Variants in PRKN observed in about 807,000 individuals in gnomAD.
The protein encoded by PRKN is E3 ubiquitin-protein ligase parkin.
PRKN carries 56 observed loss-of-function variants against 59.5 expected under a neutral mutation model. The ratio of observed to expected loss-of-function variants is 0.94; its 90% confidence interval spans 0.76 to 1.18. PRKN has a LOEUF of 1.18. Ranked by LOEUF, PRKN falls within the 50% of genes most tolerant of loss-of-function variation. The probability of loss-of-function intolerance (pLI) is 0.00; values close to 1 mark genes in which losing one functional copy is unlikely to be tolerated. For synonymous variants in PRKN, 250 were observed against 222.1 expected (o/e 1.13, Z -1.12); for missense variants, 657 against 596.4 (o/e 1.10, Z -1.06).
chr6:162,197,827 C>G (rs1009586005), intron 4 of PRKN, among the ~76,000 whole-genome samples: 2 of 152,130 alleles, frequency 1.3e-5, no homozygotes, highest in Non-Finnish European at 2.9e-5. Context: ...TTCATGGAGT[C>G]AACATAGAAA....
chr6:162,301,786 G>A (rs972985759), intron 2 of PRKN, among the ~76,000 whole-genome samples: 5 of 117,626 alleles, frequency 4.3e-5, no homozygotes, highest in Non-Finnish European at 8.9e-5. Flanking sequence ...GCCGGGGCGG[G>A]GGGGGGGTGC....
intron 9 of PRKN, among the ~76,000 whole-genome samples, chr6:161,452,942 T>C (rs557008645): frequency 2.0e-5 from 3 of 152,202 alleles, no homozygotes; most frequent in African/African-American, 7.2e-5. Flanking sequence ...TTTTGCACTA[T>C]TGTGCTCTTA....
At chr6:162,546,252 C>A (rs889121612) in intron 1 of PRKN, among the ~76,000 whole-genome samples, 1 of 151,646 alleles carries the variant, frequency 6.6e-6, no homozygotes, top group Non-Finnish European at 1.5e-5. Flanking sequence ...TATAGGCGTG[C>A]GCCACCAGGC....
rs1486107496 is a variant in PRKN, at chr6:161,393,716, T to C, written c.1084-6839A>G. Reference sequence around the variant, plus strand: ...AGAGCCAGTAGGTACCTACAAGCAATGACCCTTAAAATAAGGCTTGATGAT... The same window carrying C: ...AGAGCCAGTAGGTACCTACAAGCAACGACCCTTAAAATAAGGCTTGATGAT... On this transcript the variant is annotated intron_variant, in intron 9 of 11. Coordinates refer to ENST00000366898, the MANE Select transcript of PRKN (RefSeq NM_004562.3). This position sits in a 1 kb window ranked among gnomAD's most constrained non-coding sequence, Gnocchi z 4.7. Among the ~76,000 whole-genome samples the C allele has an allele frequency of 6.7e-6, 1 of 148,824 alleles. No individual in the cohort carries two copies. The highest frequency in any genetic ancestry group is 2.5e-5 in the African/African-American group (1 of 40,466).
At chr6:162,024,975 C>A (rs527280056) in intron 5 of PRKN, among the ~76,000 whole-genome samples, 20 of 149,846 alleles carry the variant, frequency 1.3e-4, no homozygotes, top group African/African-American at 4.9e-4. Flanking sequence ...ATGTATATAA[C>A]TTCTATACGT....
At chr6:161,601,676 A>G (rs992838039) in intron 7 of PRKN, among the ~76,000 whole-genome samples, 5 of 148,518 alleles carry the variant, frequency 3.4e-5, no homozygotes, top group East Asian at 2.0e-4. Context: ...TCCGCCTCCC[A>G]GGTTCACGCC....
rs545404885 is a variant in PRKN at position 162,368,309 on chromosome 6, C to T, written c.171+75001G>A. Among the ~76,000 whole-genome samples the T allele has an allele frequency of 2.8e-4, 43 of 152,212 alleles. No homozygotes were observed. The South Asian group carries it at 8.5e-3, about 30-fold the overall frequency. On this transcript the variant is annotated intron_variant, in intron 2 of 11. Transcript: ENST00000366898. The stretch of plus-strand genomic sequence containing the variant: ...CTAAAATGTATTTTTAGAGCAGTTA[C>T]CAGGAGAGCTGACATTGTTGAATCT...
chr6:162,428,472 T>C (rs996660512), intron 2 of PRKN, among the ~76,000 whole-genome samples: 2 of 152,140 alleles, frequency 1.3e-5, no homozygotes, highest in African/African-American at 4.8e-5. Flanking sequence ...TAAAATTTAT[T>C]TGAAACCTTA....
At chr6:161,990,849 T>G (rs940108943) in intron 5 of PRKN, among the ~76,000 whole-genome samples, 1 of 152,158 alleles carries the variant, frequency 6.6e-6, no homozygotes, top group South Asian at 2.1e-4. Flanking sequence ...AAATAATATC[T>G]GAAAACTTCT....
intron 7 of PRKN, among the ~76,000 whole-genome samples, chr6:161,670,203 C>A (rs1784859551): frequency 6.6e-6 from 1 of 152,002 alleles, no homozygotes; most frequent in Non-Finnish European, 1.5e-5. Context: ...TTCCCAGAGC[C>A]CAGCTGTGTT....
intron 1 of PRKN, among the ~76,000 whole-genome samples, chr6:162,664,317 A>T (rs1348184242): frequency 6.6e-6 from 1 of 152,114 alleles, no homozygotes; most frequent in Non-Finnish European, 1.5e-5. Context: ...GGTTGGTTCC[A>T]TGTCTTTGCT....
At chr6:161,750,462 G>A (rs2128194619) in intron 7 of PRKN, among the ~76,000 whole-genome samples, 1 of 152,112 alleles carries the variant, frequency 6.6e-6, no homozygotes, top group Middle Eastern at 3.4e-3. Context: ...ATCCATAAGT[G>A]AATAAATATT....
intron 2 of PRKN, among the ~76,000 whole-genome samples, chr6:162,389,429 T>TCAC: frequency 6.6e-6 from 1 of 152,304 alleles, no homozygotes. Context: ...AAGTGAGGCA[T>TCAC]TTCCAAGTAT....
chr6:161,662,825 G>T (rs184467181), intron 7 of PRKN, among the ~76,000 whole-genome samples: 385 of 152,110 alleles, frequency 2.5e-3, no homozygotes, highest in Non-Finnish European at 4.6e-3. Flanking sequence ...GAACACATGA[G>T]GATATCTGTG....
intron 5 of PRKN, among the ~76,000 whole-genome samples, chr6:162,007,089 C>G (rs912941552): frequency 2.6e-5 from 4 of 151,914 alleles, no homozygotes. Flanking sequence ...TTTAGAAGAA[C>G]GATGGAAAAT....
intron 1 of PRKN, among the ~76,000 whole-genome samples, chr6:162,546,299 T>C (rs1227936009): frequency 1.3e-5 from 2 of 151,866 alleles, no homozygotes; most frequent in Non-Finnish European, 2.9e-5. Flanking sequence ...AACAGGGTTT[T>C]ACCATGTTGG....
intron 6 of PRKN, among the ~76,000 whole-genome samples, chr6:161,874,464 AATATATTATATGTAAAAT>A (rs1194383193): frequency 0.015 from 947 of 64,400 alleles, 1 homozygote; most frequent in Middle Eastern, 0.029. Flanking sequence ...TTATATGTAA[AATATATTATATGTAAAAT>A]ATATATTATA....
rs372384344 is a variant in PRKN at position 162,252,071 on chromosome 6, T to A, written c.412+10454A>T. Among the ~76,000 whole-genome samples, 102 of 152,264 alleles carry A rather than the reference T, an allele frequency of 6.7e-4. 2 individuals are homozygous for A. In the South Asian group the frequency reaches 0.02, roughly 29 times the overall value. On this transcript the variant is annotated intron_variant, in intron 3 of 11. Coordinates refer to ENST00000366898, the MANE Select transcript of PRKN (RefSeq NM_004562.3). The stretch of plus-strand genomic sequence containing the variant: ...AAAATAATTCCCTATCAGTTTAAAG[T>A]AAGAAAAGTCTAGGGCACATGAAAA...
Position 162,612,790 on chromosome 6 carries a change from G to C in PRKN, c.7+114872C>G, listed in dbSNP as rs1026071360. 6.6e-5 allele frequency among the ~76,000 whole-genome samples: 10 copies of C among 151,970 alleles called. No homozygotes were observed. The East Asian group carries it at 1.9e-3, about 29-fold the overall frequency. ...AGTGGTGAAAAATCGTGCTCCTGGA[G>C]CTCCCTAGGGAGGGTGCAGCTTCCA... On this transcript the variant is annotated intron_variant, in intron 1 of 11. Coordinates refer to ENST00000366898, the MANE Select transcript of PRKN (RefSeq NM_004562.3).
Sources: allele counts gnomAD v4.1 joint callset (sites outside exome capture counted in the v4.1 genomes callset), GRCh38; gene constraint gnomAD v4.1.1; non-coding constraint Gnocchi (gnomAD v3.1); transcripts MANE v1.5; gene names NCBI Gene and HGNC (gene_info 2026-07-23, HGNC 2026-07-21).